The following SIDT1 variants were observed in gnomAD, a reference collection of about 807,000 sequenced individuals.
The protein encoded by SIDT1 is SID1 transmembrane family, member 1.
SIDT1 carries 101 observed loss-of-function variants against 107.5 expected under a neutral mutation model. The observed-to-expected ratio is 0.94, with a 90% confidence interval of 0.80 to 1.11. SIDT1 has a LOEUF of 1.11. Among genes scored for constraint, SIDT1 ranks in the 50% least tolerant of loss-of-function variants. The pLI is 0.00. For synonymous variants in SIDT1, 395 were observed against 398.2 expected, an observed-to-expected ratio of 0.99 and a Z score of 0.10; for missense variants, 1,076 against 1,058.2, an observed-to-expected ratio of 1.02 and a Z score of -0.23.
At chr3:113,631,114 C>T (rs1395042387), downstream of SIDT1, among the ~76,000 whole-genome samples, 1 of 152,106 alleles carries the variant, frequency 6.6e-6, no homozygotes, top group Non-Finnish European at 1.5e-5. Context: ...AAGCTAGGGC[C>T]AAGTGGGAAA....
At chr3:113,606,823 A>G (rs1945365615) in intron 14 of SIDT1, 1 of 482,998 alleles carries the variant, frequency 2.1e-6, no homozygotes, top group Non-Finnish European at 3.7e-6. Flanking sequence ...GGGTACACAG[A>G]ATATTCCCAT....
intron 1 of SIDT1, among the ~76,000 whole-genome samples, chr3:113,551,344 C>T (rs1576731353): frequency 1.3e-5 from 2 of 152,006 alleles, no homozygotes; most frequent in Non-Finnish European, 2.9e-5. Context: ...TTTAAATCTC[C>T]CAATCTCTTC....
At chr3:113,551,806 C>T (rs370511344) in intron 1 of SIDT1, among the ~76,000 whole-genome samples, 5 of 145,018 alleles carry the variant, frequency 3.4e-5, no homozygotes, top group Admixed American at 6.8e-5. Context: ...CTGTGGATCC[C>T]GGGGGTAAAG....
chr3:113,624,845 C>A (rs912049524), intron 23 of SIDT1, among the ~76,000 whole-genome samples: 4 of 152,136 alleles, frequency 2.6e-5, no homozygotes, highest in Admixed American at 2.6e-4. Flanking sequence ...GAGTTCCATA[C>A]GTGTTGCTGC....
intron 20 of SIDT1, 91 bp from the exon 21 acceptor site, chr3:113,619,589 G>A: frequency 9.1e-7 from 1 of 1,102,994 alleles, no homozygotes; most frequent in East Asian, 2.4e-5. Context: ...CAATGCAATT[G>A]TTTTCCCATA....
At chr3:113,553,768 A>G (rs1411375731) in intron 1 of SIDT1, among the ~76,000 whole-genome samples, 1 of 152,190 alleles carries the variant, frequency 6.6e-6, no homozygotes, top group Non-Finnish European at 1.5e-5. Flanking sequence ...CAATGAAGCC[A>G]GGCGTGGTGG....
At chr3:113,591,115 A>C (rs986214135) in intron 9 of SIDT1, among the ~76,000 whole-genome samples, 4 of 152,240 alleles carry the variant, frequency 2.6e-5, no homozygotes, top group African/African-American at 7.2e-5. Context: ...TACTTTGCAG[A>C]TGGAGGAAGG....
At chr3:113,631,161 G>C (rs1229903488), downstream of SIDT1, among the ~76,000 whole-genome samples, 1 of 152,140 alleles carries the variant, frequency 6.6e-6, no homozygotes, top group Non-Finnish European at 1.5e-5. Flanking sequence ...CATCACTGCT[G>C]TCTCTGCCCT....
intron 1 of SIDT1, among the ~76,000 whole-genome samples, chr3:113,545,094 G>T (rs1939430742): frequency 7.7e-6 from 1 of 129,046 alleles, no homozygotes; most frequent in Admixed American, 9.1e-5. Flanking sequence ...CAGCCCGGGC[G>T]ACAGAGCGAG....
chr3:113,563,895 C>T (rs1254306082), intron 1 of SIDT1, among the ~76,000 whole-genome samples: 5 of 151,886 alleles, frequency 3.3e-5, no homozygotes, highest in African/African-American at 9.7e-5. Flanking sequence ...ATAGACTGAA[C>T]TGTGGTGCAG....
At chr3:113,587,271 A>G (rs1258702686) in intron 9 of SIDT1, among the ~76,000 whole-genome samples, 1 of 152,206 alleles carries the variant, frequency 6.6e-6, no homozygotes, top group African/African-American at 2.4e-5. Flanking sequence ...CAAATGAGGT[A>G]ATAAGCTAAC....
chr3:113,595,069 G>T (rs1198883697), intron 10 of SIDT1: 1 of 154,014 alleles, frequency 6.5e-6, no homozygotes, highest in Non-Finnish European at 1.5e-5. Flanking sequence ...GCAAAGAACA[G>T]ATTTACCTAC....
chr3:113,554,480 G>A lies in SIDT1; in HGVS notation c.223-11940G>A, dbSNP rs192670184. On this transcript the variant is annotated intron_variant, in intron 1 of 24. Coordinates refer to ENST00000264852, the MANE Select transcript of SIDT1 (RefSeq NM_017699.3). ...ATGCTGTTCTCATGATAGTGAATAC[G>A]TCTCACAAGATCTAATGGCTTTATA... Among the ~76,000 whole-genome samples, 63 of 152,184 alleles carry A rather than the reference G, an allele frequency of 4.1e-4. 1 individual carries two copies. The highest frequency in any genetic ancestry group is 1.4e-3 in the African/African-American group (58 of 41,512).
chr3:113,565,657 A>G (rs1941832657), intron 1 of SIDT1, among the ~76,000 whole-genome samples: 3 of 152,240 alleles, frequency 2.0e-5, no homozygotes. Context: ...GTATTCAGAA[A>G]GACCCATAGT....
chr3:113,539,678 A>G (rs1233176611), intron 1 of SIDT1, among the ~76,000 whole-genome samples: 1 of 152,190 alleles, frequency 6.6e-6, no homozygotes, highest in African/African-American at 2.4e-5. Context: ...CCTAGTTCTC[A>G]ACTAGATCAA....
At chr3:113,608,634 G>A (rs1387447973) in intron 17 of SIDT1, 98 bp downstream of exon 17, 10 of 832,778 alleles carry the variant, frequency 1.2e-5, no homozygotes, top group South Asian at 1.2e-4. Flanking sequence ...AAGATCAAAT[G>A]GCATTTTATG....
intron 1 of SIDT1, among the ~76,000 whole-genome samples, chr3:113,556,288 C>A (rs1319138959): frequency 6.6e-6 from 1 of 152,134 alleles, no homozygotes; most frequent in Non-Finnish European, 1.5e-5. Flanking sequence ...TATTTTCATG[C>A]TTATCTTTTT....
intron 1 of SIDT1, among the ~76,000 whole-genome samples, chr3:113,542,940 T>TGTG (rs1939107590): frequency 1.8e-4 from 23 of 125,840 alleles, no homozygotes; most frequent in East Asian, 1.5e-3. Flanking sequence ...GTGTGTGTGT[T>TGTG]TGTTTGTTTG....
At chr3:113,548,220 A>C (rs1375500001) in intron 1 of SIDT1, among the ~76,000 whole-genome samples, 2 of 152,116 alleles carry the variant, frequency 1.3e-5, no homozygotes, top group Non-Finnish European at 2.9e-5. Context: ...ATAGTGAACC[A>C]ATATGTATTT....
Sources: allele counts gnomAD v4.1 joint callset (sites outside exome capture counted in the v4.1 genomes callset), GRCh38; gene constraint gnomAD v4.1.1; transcripts MANE v1.5; gene names NCBI Gene and HGNC (gene_info 2026-07-23, HGNC 2026-07-21).